The following ZNF813 variants were observed in gnomAD, a reference collection of about 807,000 sequenced individuals.
ZNF813 encodes the protein zinc finger protein 813.
ZNF813 carries 3 observed loss-of-function variants against 7.2 expected under a neutral mutation model. The ratio of observed to expected loss-of-function variants is 0.42; its 90% CI spans 0.19 to 1.08. ZNF813 has a LOEUF of 1.08. Ranked by LOEUF, ZNF813 falls within the 50% of genes least tolerant of loss-of-function variation. The pLI is 0.30. For missense variants in ZNF813, 714 were observed against 753.3 expected, an observed-to-expected ratio of 0.95 and a Z score of 0.61; for synonymous variants, 227 against 256.3, an observed-to-expected ratio of 0.89 and a Z score of 1.09.
intron 1 of ZNF813, among the ~76,000 whole-genome samples, chr19:53,469,023 C>T (rs1439772658): frequency 1.3e-5 from 2 of 152,148 alleles, no homozygotes; most frequent in African/African-American, 2.4e-5. Context: ...GAGGTCCCTG[C>T]GGCTTTCCGC....
intron 1 of ZNF813, among the ~76,000 whole-genome samples, chr19:53,468,704 C>T (rs984794100): frequency 3.3e-5 from 5 of 152,200 alleles, no homozygotes; most frequent in African/African-American, 1.2e-4. Context: ...AGCAAAGAGT[C>T]ACAGAGCAGT....
In ZNF813 at chr19:53,491,163, A is replaced by C. The variant is rs2086459100; in HGVS notation, c.931A>C (p.Lys311Gln). The C allele has an allele frequency of 2.5e-6, 4 of 1,614,080 alleles. No homozygotes were observed. The highest frequency in any genetic ancestry group is 3.4e-6 in the Non-Finnish European group (4 of 1,179,974). ...CEECDKAFSF[K>Q]SNLKRHRRIH... ...AGAATGTGACAAAGCTTTCAGTTTCAAATCAAACCTTAAAAGACATAGGAG... is the reference window on the plus strand; with the variant it reads ...AGAATGTGACAAAGCTTTCAGTTTCCAATCAAACCTTAAAAGACATAGGAG... The change falls in exon 4 of 4, where the codon AAA becomes CAA. Residue 311 changes from lysine (K) to glutamine (Q), a missense_variant. By Grantham distance (53) the Lys-to-Gln change is moderately conservative. Around this residue, in one of 3 missense-constraint regions of ZNF813, gnomAD observed 563 missense variants for 554.2 expected, o/e 1.02. Coordinates refer to ENST00000396403, the MANE Select transcript of ZNF813 (RefSeq NM_001004301.4).
At chr19:53,475,271 T>C (rs1336793106) in intron 1 of ZNF813, among the ~76,000 whole-genome samples, 2 of 152,258 alleles carry the variant, frequency 1.3e-5, no homozygotes, top group Non-Finnish European at 2.9e-5. Flanking sequence ...TGAGCTGATG[T>C]TCCGGTAGGC....
intron 3 of ZNF813, among the ~76,000 whole-genome samples, chr19:53,487,829 A>G (rs921158806): frequency 6.6e-6 from 1 of 151,402 alleles, no homozygotes; most frequent in Non-Finnish European, 1.5e-5. Context: ...CATAACCTGC[A>G]AAAACTTCTC....
Position 53,482,646 on chromosome 19 carries a change from C to T in ZNF813, c.-73-1104C>T, listed in dbSNP as rs200939739. Reference sequence around the variant, plus strand: ...ACCCCCATCTGATGTTCCCTCTGCCCGTCAGTCTCTATCACGTTACTCAGG... The same window carrying T: ...ACCCCCATCTGATGTTCCCTCTGCCTGTCAGTCTCTATCACGTTACTCAGG... On this transcript the variant is annotated intron_variant, in intron 1 of 3. Transcript: ENST00000396403. Among the ~76,000 whole-genome samples, 393 of 151,910 alleles carry T rather than the reference C, an allele frequency of 2.6e-3. 3 individuals carry two copies. The highest frequency in any genetic ancestry group is 8.6e-3 in the African/African-American group (355 of 41,444).
chr19:53,474,431 G>A (rs1164681315), intron 1 of ZNF813, among the ~76,000 whole-genome samples: 1 of 152,100 alleles, frequency 6.6e-6, no homozygotes, highest in Admixed American at 6.5e-5. Flanking sequence ...GCTCATGCCT[G>A]TAATCCTACC....
At position 53,492,677 on chromosome 19, in the gene ZNF813, T is replaced by C. The variant is rs1462296799; in HGVS notation, c.*591T>C. The stretch of plus-strand genomic sequence containing the variant: ...TCAGTAACGCTACAACCATTGCAAA[T>C]CATTGGAGAACCCATAAGGAAGAGA... On this transcript the variant is annotated 3_prime_UTR_variant, in exon 4 of 4. Transcript: ENST00000396403. 1.2e-6 allele frequency: 1 copy of C among 815,016 alleles called. No individual in the cohort carries two copies. 50.5% of individuals were successfully genotyped at this position (815,016 alleles called of 1,614,324 possible).
rs752347034 is a variant in ZNF813, at chr19:53,490,975, G to C, written c.743G>C (p.Cys248Ser). ...GAGAAACAATATAAATGTGATGTAT[G>C]TGGCAAGGTCTTTAATCGGAAGCGA... Reference protein sequence around the residue: ...LGEKQYKCDVCGKVFNRKRNL... With the variant: ...LGEKQYKCDVSGKVFNRKRNL... The change falls in exon 4 of 4, where the codon TGT becomes TCT. Residue 248 changes from cysteine to serine, a missense_variant. Physicochemically the swap from Cys to Ser is moderately radical, Grantham distance 112. Coordinates refer to ENST00000396403, the MANE Select transcript of ZNF813 (RefSeq NM_001004301.4). 1.2e-6 allele frequency: 2 copies of C among 1,614,200 alleles called. No individual in the cohort carries two copies. Among genetic ancestry groups the C allele is most frequent in the Non-Finnish European group, 1.7e-6 (2 of 1,180,040 alleles).
intron 3 of ZNF813, among the ~76,000 whole-genome samples, chr19:53,489,906 T>C (rs1600114994): frequency 6.6e-6 from 1 of 152,288 alleles, no homozygotes; most frequent in Middle Eastern, 3.4e-3. Flanking sequence ...CTATGATTGT[T>C]TGACAATACA....
In ZNF813 at chr19:53,491,054, T is replaced by C. The variant is rs1219576376; in HGVS notation, c.822T>C (p.Asn274=). ...CHTGEKPYRC[N]ECGKTFSQTY... Reference sequence around the variant, plus strand: ...CTGGGGAGAAACCTTACAGGTGTAATGAGTGTGGCAAGACTTTCAGTCAGA... The same window carrying C: ...CTGGGGAGAAACCTTACAGGTGTAACGAGTGTGGCAAGACTTTCAGTCAGA... The change falls in exon 4 of 4, where the codon AAT becomes AAC. Residue 274 remains asparagine (N), a synonymous_variant. Coordinates refer to ENST00000396403, the MANE Select transcript of ZNF813 (RefSeq NM_001004301.4). 3.1e-6 allele frequency: 5 copies of C among 1,614,070 alleles called. No homozygotes were observed. The highest frequency in any genetic ancestry group is 3.4e-6 in the Non-Finnish European group (4 of 1,180,022).
intron 1 of ZNF813, chr19:53,479,744 G>A (rs1238757398): frequency 1.6e-6 from 2 of 1,270,026 alleles, no homozygotes; most frequent in South Asian, 1.2e-5. Flanking sequence ...TCGTAAGTTG[G>A]TGATCATTGA....
At chr19:53,483,985 C>T (rs2147159894) in intron 2 of ZNF813, 148 bp downstream of exon 2, 2 of 1,543,988 alleles carry the variant, frequency 1.3e-6, no homozygotes, top group Non-Finnish European at 8.9e-7. Flanking sequence ...CCTCTTTTCT[C>T]ACTTAGATTC....
intron 3 of ZNF813, chr19:53,488,357 T>TTA: frequency 2.5e-6 from 1 of 394,832 alleles, no homozygotes; most frequent in Admixed American, 3.2e-5. Flanking sequence ...CTGGAGAACT[T>TTA]TATATATATT....
intron 2 of ZNF813, among the ~76,000 whole-genome samples, chr19:53,486,078 G>C (rs1207386761): frequency 6.6e-6 from 1 of 151,998 alleles, no homozygotes; most frequent in Non-Finnish European, 1.5e-5. Context: ...TTTAGTTTCT[G>C]ATCTTTCACT....
intron 3 of ZNF813, chr19:53,488,215 GT>G (rs2086443093): frequency 2.2e-6 from 1 of 455,142 alleles, no homozygotes; most frequent in African/African-American, 2.0e-5. Flanking sequence ...TAGACACAGG[GT>G]TTCTCCTTTT....
intron 1 of ZNF813, among the ~76,000 whole-genome samples, chr19:53,468,075 T>G (rs1600106003): frequency 6.6e-6 from 1 of 152,208 alleles, no homozygotes; most frequent in East Asian, 1.9e-4. Flanking sequence ...ACCCCGCGCT[T>G]TTTGAAGTCC....
chr19:53,472,802 G>A (rs1483018607), intron 1 of ZNF813, among the ~76,000 whole-genome samples: 1 of 151,926 alleles, frequency 6.6e-6, no homozygotes, highest in African/African-American at 2.4e-5. Context: ...ATTCAAGACG[G>A]GGTTGTTCCA....
At chr19:53,486,998 T>G (rs925099938) in intron 3 of ZNF813, among the ~76,000 whole-genome samples, 2 of 151,496 alleles carry the variant, frequency 1.3e-5, no homozygotes, top group South Asian at 4.2e-4. Context: ...TTTTTTTTTT[T>G]TTTTTTAGAG....
chr19:53,484,349 G>T (rs1170741283), intron 2 of ZNF813, among the ~76,000 whole-genome samples: 3 of 152,052 alleles, frequency 2.0e-5, no homozygotes, highest in African/African-American at 7.2e-5. Flanking sequence ...TAATTAGAAT[G>T]GAAAGTTCAT....
Sources: allele counts gnomAD v4.1 joint callset (sites outside exome capture counted in the v4.1 genomes callset), GRCh38; gene constraint gnomAD v4.1.1; regional missense constraint gnomAD v4.1.1; transcripts MANE v1.5; gene names NCBI Gene and HGNC (gene_info 2026-07-23, HGNC 2026-07-21).